Variants in EPHA3 observed in about 807,000 individuals in gnomAD.
EPHA3 encodes the protein ephrin type-A receptor 3.
EPHA3 carries 42 observed loss-of-function variants against 107.1 expected under a neutral mutation model. The ratio of observed to expected loss-of-function variants is 0.39; its 90% CI spans 0.31 to 0.51. EPHA3 has a LOEUF of 0.51. Among genes scored for constraint, EPHA3 ranks in the 20% least tolerant of loss-of-function variants. The probability of loss-of-function intolerance (pLI) is 0.78; values close to 1 mark genes in which losing one functional copy is unlikely to be tolerated. For synonymous variants in EPHA3, 461 were observed against 424.8 expected (o/e 1.09, Z -1.05); for missense variants, 1,183 against 1,211.2 (o/e 0.98, Z 0.35).
At chr3:89,400,811 A>G (rs1407762027) in intron 7 of EPHA3, among the ~76,000 whole-genome samples, 1 of 152,182 alleles carries the variant, frequency 6.6e-6, no homozygotes, top group Non-Finnish European at 1.5e-5. Flanking sequence ...TCAATTGTTA[A>G]AGGAAAAAGG....
At chr3:89,196,184 C>G (rs1475560220) in intron 2 of EPHA3, among the ~76,000 whole-genome samples, 5 of 152,052 alleles carry the variant, frequency 3.3e-5, no homozygotes, top group African/African-American at 1.2e-4. Context: ...ATGAAGTCTT[C>G]CTCTGACTTG....
rs1358419316 is a variant in EPHA3, at chr3:89,431,350, T to C, written c.2337T>C (p.Tyr779=). 1.2e-6 allele frequency: 2 copies of C among 1,613,490 alleles called. No homozygotes were observed. The highest frequency in any genetic ancestry group is 1.3e-5 in the African/African-American group (1 of 74,890). The change falls in exon 13 of 17, where the codon TAT becomes TAC. Residue 779 remains tyrosine (Y), a synonymous_variant. Transcript: ENST00000336596. ...TGGAGGATGACCCAGAAGCTGCTTA[T>C]ACAACAAGAGTGAGTAACTTAGATT... ...RVLEDDPEAA[Y]TTRGGKIPIR... is the part of the protein sequence containing the mutation.
At chr3:89,220,763 T>C (rs1704353191) in intron 3 of EPHA3, among the ~76,000 whole-genome samples, 1 of 152,236 alleles carries the variant, frequency 6.6e-6, no homozygotes, top group Non-Finnish European at 1.5e-5. Context: ...TGTGGTTCTA[T>C]TCCAGGACAT....
At chr3:89,413,405 A>T in intron 10 of EPHA3, 139 bp downstream of exon 10, 2 of 1,084,974 alleles carry the variant, frequency 1.8e-6, no homozygotes, top group African/African-American at 3.1e-5. Flanking sequence ...TAAGTGCAAT[A>T]TTTAATGGAA....
rs112980119 is a variant in EPHA3 at position 89,472,630 on chromosome 3, A to C, written c.2846+11A>C. Reference sequence around the variant, plus strand: ...CAAGATTTCCACAGAGTAAGAAAAAAAAATTCATTAAGAAGAATGAAGGAT... The same window carrying C: ...CAAGATTTCCACAGAGTAAGAAAAACAAATTCATTAAGAAGAATGAAGGAT... On this transcript the variant is annotated intron_variant, in intron 16 of 16. Coordinates refer to ENST00000336596, the MANE Select transcript of EPHA3 (RefSeq NM_005233.6). The C allele has an allele frequency of 2.2e-4, 356 of 1,601,478 alleles. 1 individual carries two copies. The African/African-American group carries it at 4.2e-3, about 19-fold the overall frequency.
intron 3 of EPHA3, among the ~76,000 whole-genome samples, chr3:89,224,314 T>C (rs572911785): frequency 5.3e-5 from 8 of 152,204 alleles, no homozygotes; most frequent in Non-Finnish European, 8.8e-5. Context: ...TCTTTAAATA[T>C]TGAGGTTGCC....
intron 2 of EPHA3, among the ~76,000 whole-genome samples, chr3:89,160,067 C>G (rs1457516635): frequency 1.3e-5 from 2 of 151,838 alleles, no homozygotes; most frequent in Admixed American, 6.6e-5. Flanking sequence ...AGACCGTTAT[C>G]CTAAAGCAGT....
chr3:89,152,792 C>T (rs531400448), intron 2 of EPHA3, among the ~76,000 whole-genome samples: 18 of 151,856 alleles, frequency 1.2e-4, no homozygotes, highest in Admixed American at 2.6e-4. Context: ...TCTAAATGAA[C>T]GAAGAAATGT....
At chr3:89,369,587 T>C (rs1185129542) in intron 5 of EPHA3, among the ~76,000 whole-genome samples, 1 of 149,830 alleles carries the variant, frequency 6.7e-6, no homozygotes, top group Admixed American at 6.7e-5. Flanking sequence ...ATTCAGGACA[T>C]AGGCATGGGC....
intron 3 of EPHA3, among the ~76,000 whole-genome samples, chr3:89,238,724 C>T (rs1266262354): frequency 6.6e-6 from 1 of 152,140 alleles, no homozygotes; most frequent in Non-Finnish European, 1.5e-5. Context: ...ATCTTATTTT[C>T]TTTAGAGTGT....
chr3:89,397,398 C>T (rs75508015), intron 6 of EPHA3, among the ~76,000 whole-genome samples: 1,714 of 152,172 alleles, frequency 0.011, 38 homozygotes, highest in African/African-American at 0.039. Flanking sequence ...CCACAAAATT[C>T]TTAAAAATCA....
At chr3:89,150,278 C>T (rs192874365) in intron 2 of EPHA3, among the ~76,000 whole-genome samples, 39 of 151,986 alleles carry the variant, frequency 2.6e-4, no homozygotes, top group African/African-American at 7.0e-4. Flanking sequence ...GTCAGATGAA[C>T]AAATAATTCA....
intron 3 of EPHA3, among the ~76,000 whole-genome samples, chr3:89,211,315 T>C (rs1159847156): frequency 6.6e-6 from 1 of 152,120 alleles, no homozygotes; most frequent in African/African-American, 2.4e-5. Flanking sequence ...AGCTGTGCTA[T>C]ATCATATCAT....
intron 3 of EPHA3, among the ~76,000 whole-genome samples, chr3:89,213,817 C>G (rs1273437152): frequency 6.6e-6 from 1 of 151,924 alleles, no homozygotes; most frequent in Non-Finnish European, 1.5e-5. Context: ...AAAGACTACC[C>G]TATAATTATC....
chr3:89,431,069 A>G lies in EPHA3; in HGVS notation c.2137-81A>G, dbSNP rs1576374272. 21 of 1,416,898 alleles carry G rather than the reference A, an allele frequency of 1.5e-5. No individual in the cohort carries two copies. In the Admixed American group the frequency reaches 3.6e-4, roughly 25 times the overall value. The allele number at this position is 1,416,898 out of a possible 1,614,324, so 87.8% of individuals were successfully genotyped here. A position where few individuals can be genotyped will look rare whatever the true frequency, so the allele number is the denominator to read the frequency against. Reference sequence around the variant, plus strand: ...ATAGTCAGTCTTGTTACAAAATTCAATATGTGAGATTTTAACCAATAAAGA... The same window carrying G: ...ATAGTCAGTCTTGTTACAAAATTCAGTATGTGAGATTTTAACCAATAAAGA... On this transcript the variant is annotated intron_variant, in intron 12 of 16. Transcript: ENST00000336596.
chr3:89,185,190 A>G (rs1679273004), intron 2 of EPHA3, among the ~76,000 whole-genome samples: 1 of 152,012 alleles, frequency 6.6e-6, no homozygotes, highest in Non-Finnish European at 1.5e-5. Flanking sequence ...TATAATTGTA[A>G]CAACGTCCAG....
chr3:89,271,311 G>A (rs974816571), intron 3 of EPHA3, among the ~76,000 whole-genome samples: 1 of 152,010 alleles, frequency 6.6e-6, no homozygotes, highest in Non-Finnish European at 1.5e-5. Flanking sequence ...GTAAAGTGGG[G>A]TTTGTTAAAA....
At position 89,429,704 on chromosome 3, in the gene EPHA3, ATC is replaced by A. The variant is rs1559693209; in HGVS notation, c.2136+539_2136+540del. ...TTATACGTTTATCTATCATCTATCT[ATC>A]TATCTATCTATCTATCTATCTATCT... On this transcript the variant is annotated intron_variant, in intron 12 of 16. Coordinates refer to ENST00000336596, the MANE Select transcript of EPHA3 (RefSeq NM_005233.6). Among the ~76,000 whole-genome samples the A allele has an allele frequency of 3.3e-3, 448 of 134,994 alleles. 2 individuals carry two copies. In the Middle Eastern group the frequency reaches 0.042, roughly 13 times the overall value. 88.6% of individuals were successfully genotyped at this position (134,994 alleles called of 152,430 possible).
intron 3 of EPHA3, among the ~76,000 whole-genome samples, chr3:89,286,643 T>A (rs1437563309): frequency 3.9e-5 from 6 of 152,176 alleles, no homozygotes; most frequent in Non-Finnish European, 8.8e-5. Context: ...GTTGTGTTCT[T>A]GGCAATGGAA....
Sources: gnomAD v4.1 joint callset for allele counts (sites outside exome capture counted in the v4.1 genomes callset) on GRCh38, gnomAD v4.1.1 for gene constraint, MANE v1.5 for transcripts, NCBI Gene and HGNC (gene_info 2026-07-23, HGNC 2026-07-21) for gene names.